Variants in RAMP1 observed in about 807,000 individuals in gnomAD.
The protein encoded by RAMP1 is receptor activity modifying protein 1.
A neutral mutation model predicts 8.2 loss-of-function variants in RAMP1; 7 were observed. That is an observed-to-expected ratio of 0.85 (90% confidence interval 0.49 to 1.60). The LOEUF (loss-of-function observed/expected upper bound fraction) is 1.60. RAMP1 is among the 40% of genes most tolerant of loss of function. The pLI, the probability that RAMP1 is intolerant of heterozygous loss-of-function variation, is 0.00. For missense variants in RAMP1, 192 were observed against 202.4 expected, an observed-to-expected ratio of 0.95 and a Z score of 0.31; for synonymous variants, 92 against 84.7, an observed-to-expected ratio of 1.09 and a Z score of -0.47.
chr2:237,898,782 A>T (rs1391834672), intron 2 of RAMP1, among the ~76,000 whole-genome samples: 1 of 152,160 alleles, frequency 6.6e-6, no homozygotes, highest in African/African-American at 2.4e-5. Context: ...CCTCTTAAAG[A>T]CAAGCTGGCC....
At position 237,870,659 on chromosome 2, in the gene RAMP1, C is replaced by T. The variant is rs548554739; in HGVS notation, c.53-6565C>T. Among the ~76,000 whole-genome samples, 19 of 152,150 alleles carry T rather than the reference C, an allele frequency of 1.2e-4. No homozygotes were observed. The East Asian group carries it at 1.9e-3, about 15-fold the overall frequency. ...TGTCAACTTCAGAAATGAAGAGTGC[C>T]GGTTGACAATGTGTAGAGTTTTACT... On this transcript the variant is annotated intron_variant, in intron 1 of 2. Coordinates refer to ENST00000254661, the MANE Select transcript of RAMP1 (RefSeq NM_005855.4).
intron 2 of RAMP1, among the ~76,000 whole-genome samples, chr2:237,889,998 G>A (rs114360845): frequency 0.014 from 2,085 of 152,278 alleles, 60 homozygotes; most frequent in African/African-American, 0.048. Flanking sequence ...AGTGGGGCCC[G>A]CCTGCAGAAA....
In RAMP1 at chr2:237,865,018, T is replaced by C. The variant is rs988485443; in HGVS notation, c.52+5291T>C. On this transcript the variant is annotated intron_variant, in intron 1 of 2. Transcript: ENST00000254661. This position sits in a 1 kb window ranked among gnomAD's most constrained non-coding sequence, Gnocchi z 4.2. ...TCATTCCTAGGGCAGTGGGAAAACCTTGAAGGACATTAAAGGGGGTGACAG... is the reference window on the plus strand; with the variant it reads ...TCATTCCTAGGGCAGTGGGAAAACCCTGAAGGACATTAAAGGGGGTGACAG... Among the ~76,000 whole-genome samples the C allele has an allele frequency of 6.6e-6, 1 of 152,026 alleles. No homozygotes were observed. The highest frequency in any genetic ancestry group is 1.5e-5 in the Non-Finnish European group (1 of 67,998).
chr2:237,902,368 CCAGGAGGAGAGAGGGAT>C lies in RAMP1; in HGVS notation c.192-9151_192-9135del, dbSNP rs1466548134. 1.4e-4 allele frequency among the ~76,000 whole-genome samples: 20 copies of C among 143,084 alleles called. No individual in the cohort carries two copies. In the South Asian group the frequency reaches 4.0e-3, roughly 29 times the overall value. 93.9% of individuals were successfully genotyped at this position (143,084 alleles called of 152,430 possible). On this transcript the variant is annotated intron_variant, in intron 2 of 2. Coordinates refer to ENST00000254661, the MANE Select transcript of RAMP1 (RefSeq NM_005855.4). The stretch of plus-strand genomic sequence containing the variant: ...AGGGGCTGGGAGGAGGAGGGAGAGG[CCAGGAGGAGAGAGGGAT>C]CAGGAGGAAGAGGAGGGGCCAGAAG...
At position 237,911,013 on chromosome 2, in the gene RAMP1, C is replaced by T. The variant is rs535742330; in HGVS notation, c.192-515C>T. Among the ~76,000 whole-genome samples the T allele has an allele frequency of 1.5e-3, 232 of 152,120 alleles. 4 individuals carry two copies. The highest frequency in any genetic ancestry group is 1.9e-3 in the South Asian group (9 of 4,822). The stretch of plus-strand genomic sequence containing the variant: ...GTCACACAGAAAATAGTCACACACA[C>T]GGTCACACAGAGAATAACACTGTCA... On this transcript the variant is annotated intron_variant, in intron 2 of 2. Coordinates refer to ENST00000254661, the MANE Select transcript of RAMP1 (RefSeq NM_005855.4).
In RAMP1 at chr2:237,867,678, C is replaced by T. The variant is rs551578245; in HGVS notation, c.52+7951C>T. Among the ~76,000 whole-genome samples the T allele has an allele frequency of 2.6e-5, 4 of 152,280 alleles. No individual in the cohort carries two copies. The East Asian group carries it at 5.8e-4, about 22-fold the overall frequency. The stretch of plus-strand genomic sequence containing the variant: ...AAGTGGTCAGAGGCTGCGAACCTAC[C>T]GTGTTTCTGGGATGAATGGAGCGTT... On this transcript the variant is annotated intron_variant, in intron 1 of 2. Transcript: ENST00000254661.
At chr2:237,882,432 C>G (rs539667635) in intron 2 of RAMP1, among the ~76,000 whole-genome samples, 1 of 152,340 alleles carries the variant, frequency 6.6e-6, no homozygotes, top group Non-Finnish European at 1.5e-5. Flanking sequence ...TTGAGGTCAG[C>G]AGCAGCCTGG....
At chr2:237,903,412 G>C (rs1338681040) in intron 2 of RAMP1, among the ~76,000 whole-genome samples, 1 of 152,274 alleles carries the variant, frequency 6.6e-6, no homozygotes, top group South Asian at 2.1e-4. Flanking sequence ...TGAGATTATT[G>C]ATACATATTG....
intron 1 of RAMP1, 166 bp downstream of exon 1, chr2:237,859,893 G>C: frequency 1.6e-6 from 1 of 619,646 alleles, no homozygotes; most frequent in Non-Finnish European, 2.5e-6. Context: ...GTTCCAGGCG[G>C]GAGGCCCCAG....
At chr2:237,876,487 G>C (rs1018437097) in intron 1 of RAMP1, among the ~76,000 whole-genome samples, 1 of 152,206 alleles carries the variant, frequency 6.6e-6, no homozygotes, top group East Asian at 1.9e-4. Flanking sequence ...AAAGGAGGGG[G>C]ACCTGGGGAC....
intron 2 of RAMP1, among the ~76,000 whole-genome samples, chr2:237,892,255 G>T (rs2062494176): frequency 6.8e-6 from 1 of 147,760 alleles, no homozygotes; most frequent in Non-Finnish European, 1.5e-5. Flanking sequence ...GAAACACCAT[G>T]TGTTTTTTCT....
At position 237,878,108 on chromosome 2, in the gene RAMP1, G is replaced by A; in HGVS notation, c.191+746G>A. 2.0e-6 allele frequency: 2 copies of A among 985,436 alleles called. No homozygotes were observed. Among genetic ancestry groups the A allele is most frequent in the Non-Finnish European group, 2.4e-6 (2 of 829,908 alleles). 61.0% of individuals were successfully genotyped at this position (985,436 alleles called of 1,614,324 possible). A position where few individuals can be genotyped will look rare whatever the true frequency, so the allele number is the denominator to read the frequency against. The stretch of plus-strand genomic sequence containing the variant: ...GCTGGGGTGTCCTGGGGCTGCAGTG[G>A]GTGAGTAGCGGGGTCAGCAGTGCAT... On this transcript the variant is annotated intron_variant, in intron 2 of 2. Transcript: ENST00000254661. This position sits in a 1 kb window ranked among gnomAD's most constrained non-coding sequence, Gnocchi z 5.7.
At chr2:237,907,259 A>T (rs778471122) in intron 2 of RAMP1, among the ~76,000 whole-genome samples, 4 of 151,862 alleles carry the variant, frequency 2.6e-5, no homozygotes, top group Non-Finnish European at 5.9e-5. Flanking sequence ...TTGGAGTTTG[A>T]TGTGTCTATT....
In RAMP1 at chr2:237,862,533, A is replaced by AT. The variant is rs531428662; in HGVS notation, c.52+2813dup. On this transcript the variant is annotated intron_variant, in intron 1 of 2. Coordinates refer to ENST00000254661, the MANE Select transcript of RAMP1 (RefSeq NM_005855.4). This position sits in a 1 kb window ranked among gnomAD's most constrained non-coding sequence, Gnocchi z 4.0. ...AGGCTAGTTGGAAAAGTCTGTCCTG[A>AT]TTTTTTTCCCCAGAATGCGCCCATT... Among the ~76,000 whole-genome samples the AT allele has an allele frequency of 3.9e-5, 6 of 152,122 alleles. No individual in the cohort carries two copies. The highest frequency in any genetic ancestry group is 2.9e-5 in the Non-Finnish European group (2 of 68,018).
chr2:237,891,215 G>GGA (rs1559947562), intron 2 of RAMP1, among the ~76,000 whole-genome samples: 1 of 149,758 alleles, frequency 6.7e-6, no homozygotes, highest in African/African-American at 2.5e-5. Flanking sequence ...CAGTGGCATG[G>GGA]TCTCGGCTCA....
intron 2 of RAMP1, among the ~76,000 whole-genome samples, chr2:237,879,485 T>TTA (rs1559941633): frequency 1.1e-3 from 146 of 138,798 alleles, no homozygotes; most frequent in African/African-American, 4.1e-3. Context: ...TTTTCGTTTT[T>TTA]TTATTATTAT....
rs1013175089 is a variant in RAMP1 at position 237,885,955 on chromosome 2, C to T, written c.191+8593C>T. On this transcript the variant is annotated intron_variant, in intron 2 of 2. Coordinates refer to ENST00000254661, the MANE Select transcript of RAMP1 (RefSeq NM_005855.4). ...AGGAGCAGGAAGAGCCCCTGGGAGC[C>T]GGGTCCTCGAAGACTCCAGGCTATG... 5.9e-5 allele frequency among the ~76,000 whole-genome samples: 9 copies of T among 152,296 alleles called. No individual in the cohort carries two copies. The South Asian group carries it at 6.2e-4, about 11-fold the overall frequency.
intron 1 of RAMP1, among the ~76,000 whole-genome samples, chr2:237,866,206 C>T (rs1336844495): frequency 6.6e-6 from 1 of 152,080 alleles, no homozygotes; most frequent in Non-Finnish European, 1.5e-5. Context: ...ATGACTCATT[C>T]AGTGTCTAGG....
chr2:237,866,627 A>C (rs1309691845), intron 1 of RAMP1, among the ~76,000 whole-genome samples: 1 of 152,110 alleles, frequency 6.6e-6, no homozygotes, highest in East Asian at 1.9e-4. Context: ...TGACTCCCCC[A>C]AAGCTTAACG....
Sources: allele counts gnomAD v4.1 joint callset (sites outside exome capture counted in the v4.1 genomes callset), GRCh38; gene constraint gnomAD v4.1.1; non-coding constraint Gnocchi (gnomAD v3.1); transcripts MANE v1.5; gene names NCBI Gene and HGNC (gene_info 2026-07-23, HGNC 2026-07-21).